The following QTMAN variants were observed in gnomAD, a reference collection of about 807,000 sequenced individuals.
QTMAN encodes the protein queuosine-tRNA mannosyltransferase.
chr2:143,993,165 T>C, the QTMAN span, among the ~76,000 whole-genome samples: 1 of 152,246 alleles, frequency 6.6e-6, no homozygotes, highest in African/African-American at 2.4e-5. Context: ...TAATAGGTAC[T>C]GTAAGCTCCA....
chr2:144,236,804 G>A, the QTMAN span, among the ~76,000 whole-genome samples: 2 of 151,956 alleles, frequency 1.3e-5, no homozygotes, highest in Non-Finnish European at 2.9e-5. Flanking sequence ...AACAAGGTTA[G>A]AGAACCTTCC....
At chr2:143,942,643 A>G in the QTMAN span, 1 of 167,144 alleles carries the variant, frequency 6.0e-6, no homozygotes, top group African/African-American at 2.4e-5. Context: ...TGTGTTTGCA[A>G]TGCCACAGGC....
chr2:144,055,831 C>T, the QTMAN span, among the ~76,000 whole-genome samples: 758 of 152,246 alleles, frequency 5.0e-3, 2 homozygotes, highest in Admixed American at 8.4e-3. Context: ...AGACCTAGAA[C>T]CTGACCATCA....
At chr2:144,301,998 C>G in the QTMAN span, among the ~76,000 whole-genome samples, 4 of 152,140 alleles carry the variant, frequency 2.6e-5, no homozygotes, top group Non-Finnish European at 4.4e-5. Context: ...ATAGACTGCT[C>G]AGTCAGTGAA....
chr2:144,160,844 GGTAC>G, the QTMAN span, among the ~76,000 whole-genome samples: 1 of 151,998 alleles, frequency 6.6e-6, no homozygotes, highest in Non-Finnish European at 1.5e-5. Flanking sequence ...ACACACAACT[GGTAC>G]GTAAAATACA....
At chr2:144,121,373 G>A in the QTMAN span, among the ~76,000 whole-genome samples, 1 of 152,266 alleles carries the variant, frequency 6.6e-6, no homozygotes, top group Non-Finnish European at 1.5e-5. Flanking sequence ...GTACATGAGG[G>A]ACAGACCAGG....
chr2:144,032,762 A>T, the QTMAN span, among the ~76,000 whole-genome samples: 1 of 152,228 alleles, frequency 6.6e-6, no homozygotes, highest in South Asian at 2.1e-4. Flanking sequence ...TTACTTTCCT[A>T]AGAGTTTAAG....
the QTMAN span, among the ~76,000 whole-genome samples, chr2:144,298,394 C>A: frequency 3.9e-5 from 6 of 152,190 alleles, no homozygotes; most frequent in Non-Finnish European, 8.8e-5. Flanking sequence ...CCCCATCCCA[C>A]TGCCCAAAAG....
chr2:144,036,775 TTAAG>T, the QTMAN span, among the ~76,000 whole-genome samples: 11 of 152,206 alleles, frequency 7.2e-5, no homozygotes, highest in Non-Finnish European at 1.6e-4. Context: ...TGTTGCAACT[TTAAG>T]TGTCTCATTT....
the QTMAN span, among the ~76,000 whole-genome samples, chr2:144,218,370 A>C: frequency 1.3e-5 from 2 of 152,212 alleles, no homozygotes; most frequent in African/African-American, 4.8e-5. Flanking sequence ...GGAGTCTACA[A>C]GAATGTTTAA....
At chr2:144,002,193 AT>A in the QTMAN span, among the ~76,000 whole-genome samples, 1 of 151,950 alleles carries the variant, frequency 6.6e-6, no homozygotes, top group Non-Finnish European at 1.5e-5. Flanking sequence ...TATTAATTTT[AT>A]TTAAGTTCAT....
At chr2:144,159,530 T>C in the QTMAN span, among the ~76,000 whole-genome samples, 7 of 151,986 alleles carry the variant, frequency 4.6e-5, no homozygotes, top group African/African-American at 4.8e-5. Flanking sequence ...ACTAAAGAAA[T>C]AGTTAAGTGT....
the QTMAN span, among the ~76,000 whole-genome samples, chr2:144,220,299 A>T: frequency 2.0e-5 from 3 of 152,222 alleles, no homozygotes; most frequent in East Asian, 5.8e-4. Flanking sequence ...TAGGATTGAA[A>T]CTATTAAATA....
the QTMAN span, among the ~76,000 whole-genome samples, chr2:144,004,947 G>A: frequency 1.3e-5 from 2 of 152,072 alleles, no homozygotes; most frequent in African/African-American, 4.8e-5. Context: ...TTTATTCCTC[G>A]TAATCTTCCT....
chr2:144,187,744 G>GGAT, the QTMAN span, among the ~76,000 whole-genome samples: 4 of 152,088 alleles, frequency 2.6e-5, no homozygotes. Flanking sequence ...CTGAATTCTG[G>GGAT]GATGATGATG....
the QTMAN span, among the ~76,000 whole-genome samples, chr2:144,220,155 T>C: frequency 1.3e-5 from 2 of 152,150 alleles, no homozygotes; most frequent in East Asian, 1.9e-4. Flanking sequence ...CTGGGACTAA[T>C]AGATGTGGTA....
chr2:144,021,625 G>A, the QTMAN span, among the ~76,000 whole-genome samples: 2 of 152,170 alleles, frequency 1.3e-5, no homozygotes, highest in African/African-American at 4.8e-5. Flanking sequence ...AGATGAATTA[G>A]TGACAGTGAC....
chr2:143,967,270 T>C, the QTMAN span, among the ~76,000 whole-genome samples: 3 of 152,136 alleles, frequency 2.0e-5, 1 homozygote, highest in South Asian at 2.1e-4. Context: ...AAGAGAACCA[T>C]ATCCCTACAA....
At chr2:144,016,394 C>G in the QTMAN span, among the ~76,000 whole-genome samples, 1 of 152,176 alleles carries the variant, frequency 6.6e-6, no homozygotes, top group Admixed American at 6.5e-5. Flanking sequence ...ATTCACCTCA[C>G]TTAATATGAT....
Sources: gnomAD v4.1 joint callset for allele counts (sites outside exome capture counted in the v4.1 genomes callset) on GRCh38, gnomAD v4.1.1 for gene constraint, MANE v1.5 for transcripts, NCBI Gene and HGNC (gene_info 2026-07-23, HGNC 2026-07-21) for gene names.